HRG: variants seen among roughly 807,000 people sequenced by gnomAD.
HRG encodes histidine-rich glycoprotein.
A neutral mutation model predicts 29.5 loss-of-function variants in HRG; 26 were observed. The observed-to-expected ratio is 0.88, with a 90% CI of 0.65 to 1.22. The LOEUF (loss-of-function observed/expected upper bound fraction) is 1.22. Among genes scored for constraint, HRG ranks in the 50% most tolerant of loss-of-function variants. The pLI, the probability that HRG is intolerant of heterozygous loss-of-function variation, is 0.00. For synonymous variants in HRG, 243 were observed against 240.4 expected (o/e 1.01, Z -0.10); for missense variants, 671 against 654.5 (o/e 1.03, Z -0.28).
Position 186,670,018 on chromosome 3 carries a change from C to T in HRG, c.381C>T (p.Thr127=). Residue 127 remains threonine (T), a synonymous_variant, in exon 3 of 7, where the codon ACC becomes ACT. Transcript: ENST00000232003. ...TCAGAGTGATTGACTTTAACTGCAC[C>T]ACAAGTTCTGGTATGGTAATCTGTT... The part of the protein sequence containing the change: ...QDLRVIDFNC[T]TSSVSSALAN... 4 of 1,535,836 alleles carry T rather than the reference C, an allele frequency of 2.6e-6. No individual in the cohort carries two copies. The highest frequency in any genetic ancestry group is 1.1e-5 in the South Asian group (1 of 89,470).
rs113360670 is a variant in HRG, at chr3:186,677,977, A to G, written c.*94A>G. 1.5e-5 allele frequency: 19 copies of G among 1,255,316 alleles called. No homozygotes were observed. The African/African-American group carries it at 1.6e-4, about 11-fold the overall frequency. 77.8% of individuals were successfully genotyped at this position (1,255,316 alleles called of 1,614,324 possible). ...ATTGTGAAAATTACAGTTCTTTTCA[A>G]CCTACTTTCATACTGAAGATGCAGC... On this transcript the variant is annotated 3_prime_UTR_variant, in exon 7 of 7. Coordinates refer to ENST00000232003, the MANE Select transcript of HRG (RefSeq NM_000412.5).
Position 186,677,732 on chromosome 3 carries a change from A to AT in HRG, c.1431dup (p.Pro478SerfsTer25). 1 of 1,611,220 alleles carries AT rather than the reference A, an allele frequency of 6.2e-7. No individual in the cohort carries two copies. The highest frequency in any genetic ancestry group is 8.5e-7 in the Non-Finnish European group (1 of 1,177,578). ...GAGGTGCTGCCACTTCCTGAGGCCA[A>AT]TTTTCCCAGCTTCCCATTGCCGCAC... On this transcript the variant is annotated frameshift_variant, in exon 7 of 7. Coordinates refer to ENST00000232003, the MANE Select transcript of HRG (RefSeq NM_000412.5). LOFTEE classifies it low-confidence loss of function (END_TRUNC).
At position 186,669,961 on chromosome 3, in the gene HRG, A is replaced by G; in HGVS notation, c.324A>G (p.Ile108Met). 6.3e-7 allele frequency: 1 copy of G among 1,595,098 alleles called. No homozygotes were observed. The highest frequency in any genetic ancestry group is 8.6e-7 in the Non-Finnish European group (1 of 1,164,414). ...AGGTGATCGGACAATGTAAGGTAAT[A>G]GCTACAAGACATTCCCATGAATCTC... Reference protein sequence around the residue: ...SEIVIGQCKVIATRHSHESQD... With the variant: ...SEIVIGQCKVMATRHSHESQD... Residue 108 changes from isoleucine (I) to methionine (M), a missense_variant, in exon 3 of 7, where the codon ATA becomes ATG. Physicochemically the swap from Ile to Met is conservative, Grantham distance 10. Transcript: ENST00000232003.
chr3:186,673,157 G>T (rs1354385326), intron 5 of HRG: 6 of 440,010 alleles, frequency 1.4e-5, no homozygotes, highest in Non-Finnish European at 2.5e-5. Context: ...AGGTTGGAGT[G>T]CAATGGCACA....
intron 3 of HRG, 27 bp downstream of exon 3, chr3:186,670,055 T>A: frequency 9.0e-7 from 1 of 1,111,312 alleles, no homozygotes; most frequent in Non-Finnish European, 1.4e-6. Flanking sequence ...AATTGCTAAT[T>A]AATTCTTGAT....
chr3:186,675,327 G>GAGAGAGAGAGAC (rs1274087618), intron 6 of HRG, 137 bp downstream of exon 6: 9 of 676,808 alleles, frequency 1.3e-5, no homozygotes, highest in South Asian at 1.0e-4. Context: ...GAGAGAGAGA[G>GAGAGAGAGAGAC]AGAGACAGAG....
rs778417494 is a variant in HRG at position 186,677,724 on chromosome 3, T to C, written c.1419T>C (p.Pro473=). The change falls in exon 7 of 7, where the codon CCT becomes CCC. Residue 473 remains proline, a synonymous_variant. Coordinates refer to ENST00000232003, the MANE Select transcript of HRG (RefSeq NM_000412.5). ...GAAAAGGTGAGGTGCTGCCACTTCCTGAGGCCAATTTTCCCAGCTTCCCAT... is the reference window on the plus strand; with the variant it reads ...GAAAAGGTGAGGTGCTGCCACTTCCCGAGGCCAATTTTCCCAGCTTCCCAT... ...PLRKGEVLPL[P]EANFPSFPLP... is the part of the protein sequence containing the mutation. 40 of 1,611,440 alleles carry C rather than the reference T, an allele frequency of 2.5e-5. No homozygotes were observed. The highest frequency in any genetic ancestry group is 3.3e-5 in the Non-Finnish European group (39 of 1,177,788).
At chr3:186,672,120 T>G (rs2108577382) in intron 4 of HRG, among the ~76,000 whole-genome samples, 1 of 152,218 alleles carries the variant, frequency 6.6e-6, no homozygotes, top group African/African-American at 2.4e-5. Context: ...TGTACTATGA[T>G]GGAAAACTGA....
chr3:186,673,129 G>A, intron 5 of HRG: 2 of 520,962 alleles, frequency 3.8e-6, no homozygotes, highest in East Asian at 3.6e-5. Context: ...TTGAGATGGA[G>A]TTTCGCTCTT....
intron 3 of HRG, 69 bp from the exon 4 acceptor site, chr3:186,671,554 A>C: frequency 6.7e-7 from 1 of 1,498,282 alleles, no homozygotes; most frequent in South Asian, 1.1e-5. Flanking sequence ...AGTTATTGTC[A>C]TTCTTGCCAC....
rs754929624 is a variant in HRG, at chr3:186,677,360, A to G, written c.1055A>G (p.His352Arg). 1 of 1,613,898 alleles carries G rather than the reference A, an allele frequency of 6.2e-7. No homozygotes were observed. Among genetic ancestry groups the G allele is most frequent in the Admixed American group, 1.7e-5 (1 of 59,984 alleles). Residue 352 changes from histidine (H) to arginine (R), a missense_variant, in exon 7 of 7, where the codon CAT (histidine) becomes CGT (arginine). His to Arg is a conservative substitution (Grantham distance 29, BLOSUM62 0). Transcript: ENST00000232003. Reference sequence around the variant, plus strand: ...AATAATTCCAGTGACCTCCATCCCCATAAGCATCATTCCCATGAACAGCAT... The same window carrying G: ...AATAATTCCAGTGACCTCCATCCCCGTAAGCATCATTCCCATGAACAGCAT... ...HNNNSSDLHPHKHHSHEQHPH... is the reference protein window; with the variant it reads ...HNNNSSDLHPRKHHSHEQHPH...
Position 186,677,320 on chromosome 3 carries a change from A to G in HRG, c.1015A>G (p.Arg339Gly), listed in dbSNP as rs1719029206. 3.1e-6 allele frequency: 5 copies of G among 1,614,122 alleles called. No individual in the cohort carries two copies. The East Asian group carries it at 1.1e-4, about 36-fold the overall frequency. Residue 339 changes from arginine (R) to glycine (G), a missense_variant, in exon 7 of 7, where the codon AGA becomes GGA. By Grantham distance (125) the Arg-to-Gly change is moderately radical. Coordinates refer to ENST00000232003, the MANE Select transcript of HRG (RefSeq NM_000412.5). ...HATFGTNGAQ[R>G]HSHNNNSSDL... is the part of the protein sequence containing the mutation. ...CACTTTTGGCACAAATGGGGCCCAA[A>G]GACATTCTCATAATAATAATTCCAG... is the stretch of plus-strand genomic sequence containing the variant.
intron 4 of HRG, 24 bp from the exon 5 acceptor site, chr3:186,672,763 C>T: frequency 4.6e-6 from 7 of 1,512,676 alleles, no homozygotes; most frequent in African/African-American, 1.4e-5. Flanking sequence ...GTTCTTGAAA[C>T]TATTTTGATC....
intron 4 of HRG, 94 bp downstream of exon 4, chr3:186,671,883 T>C: frequency 9.7e-7 from 1 of 1,027,664 alleles, no homozygotes; most frequent in Non-Finnish European, 1.5e-6. Context: ...CCTGCCTCAA[T>C]TGACTAGCTG....
chr3:186,673,516 T>C (rs1317060808), intron 5 of HRG: 1 of 161,476 alleles, frequency 6.2e-6, no homozygotes. Context: ...AAGCGAACCA[T>C]AAGAACATGA....
At chr3:186,674,558 C>CATCT (rs1206401183) in intron 5 of HRG, 6 of 211,358 alleles carry the variant, frequency 2.8e-5, no homozygotes, top group Non-Finnish European at 4.8e-5. Flanking sequence ...GGTTTAGGAG[C>CATCT]ATCTGGAGCA....
chr3:186,676,989 A>G lies in HRG; in HGVS notation c.742-58A>G. The G allele has an allele frequency of 1.9e-6, 3 of 1,606,462 alleles. No homozygotes were observed. In the East Asian group the frequency reaches 6.7e-5, roughly 36 times the overall value. ...GCCATTGGTGTAAATCAAGTCAAGT[A>G]TCTAACATCTTCTTTTATGTTACAT... On this transcript the variant is annotated intron_variant, in intron 6 of 6. Transcript: ENST00000232003.
intron 1 of HRG, chr3:186,667,124 CCT>C (rs1169823682): frequency 6.6e-6 from 1 of 152,144 alleles, no homozygotes; most frequent in East Asian, 1.9e-4. Context: ...CCCAGCAAGG[CCT>C]CTCTGTTTGA....
rs375094435 is a variant in HRG at position 186,675,115 on chromosome 3, G to A, written c.666G>A (p.Leu222=). Residue 222 remains leucine, a synonymous_variant, in exon 6 of 7, where the codon TTG becomes TTA. Transcript: ENST00000232003. ...PNVFGFCRAD[L]FYDVEALDLE... is the part of the protein sequence containing the mutation. The stretch of plus-strand genomic sequence containing the variant: ...TCTTTGGATTCTGCAGAGCAGATTT[G>A]TTCTATGATGTAGAAGCCTTGGACT... The A allele has an allele frequency of 3.7e-6, 6 of 1,613,622 alleles. No individual in the cohort carries two copies. Among genetic ancestry groups the A allele is most frequent in the East Asian group, 2.2e-5 (1 of 44,882 alleles).
Sources: allele counts gnomAD v4.1 joint callset (sites outside exome capture counted in the v4.1 genomes callset), GRCh38; gene constraint gnomAD v4.1.1; transcripts MANE v1.5; gene names NCBI Gene and HGNC (gene_info 2026-07-23, HGNC 2026-07-21).